The following GMNC variants were observed in gnomAD, a reference collection of about 807,000 sequenced individuals.
GMNC encodes geminin coiled-coil domain-containing protein 1.
In GMNC, 16 loss-of-function variants were observed where a neutral mutation model predicts 33.6. The observed-to-expected ratio is 0.48, with a 90% CI of 0.32 to 0.72. The LOEUF is 0.72. Among genes scored for constraint, GMNC ranks in the 30% least tolerant of loss-of-function variants. The probability of loss-of-function intolerance (pLI) is 0.03; values close to 1 mark genes in which losing one functional copy is unlikely to be tolerated. For synonymous variants in GMNC, 156 were observed against 147.3 expected (o/e 1.06, Z -0.43); for missense variants, 393 against 388.9 (o/e 1.01, Z -0.09).
At chr3:190,851,121 T>G (rs778610938), downstream of GMNC, among the ~76,000 whole-genome samples, 6 of 152,330 alleles carry the variant, frequency 3.9e-5, no homozygotes, top group East Asian at 1.2e-3. Context: ...GAGGAAAATA[T>G]GGCTATATAC....
downstream of GMNC, among the ~76,000 whole-genome samples, chr3:190,851,061 C>G (rs185104905): frequency 1.3e-5 from 2 of 152,278 alleles, no homozygotes; most frequent in African/African-American, 4.8e-5. Flanking sequence ...CAGGTTACTG[C>G]CCTGAGATGC....
chr3:190,860,543 C>T (rs1168133047), intron 2 of GMNC, 141 bp downstream of exon 2: 1 of 661,584 alleles, frequency 1.5e-6, no homozygotes. Flanking sequence ...GGCTTTATGA[C>T]TGTAAAAATC....
Position 190,857,177 on chromosome 3 carries a change from T to A in GMNC, c.384+606A>T, listed in dbSNP as rs115564205. ...TTGAGCATGAACAAAAGAAGACTAC[T>A]GGCAAGTTATTTATCCTTGAGTTAG... On this transcript the variant is annotated intron_variant, in intron 4 of 4. Transcript: ENST00000442080. Among the ~76,000 whole-genome samples the A allele has an allele frequency of 4.4e-3, 659 of 150,382 alleles. 10 individuals carry two copies. Among genetic ancestry groups the A allele is most frequent in the Middle Eastern group, 0.037 (11 of 294 alleles).
At chr3:190,852,620 C>T (rs1737652513), downstream of GMNC, among the ~76,000 whole-genome samples, 2 of 152,036 alleles carry the variant, frequency 1.3e-5, no homozygotes, top group African/African-American at 4.8e-5. Flanking sequence ...CATTAATATG[C>T]CCTAGAGAAG....
At chr3:190,847,160 A>C in the GMNC span, among the ~76,000 whole-genome samples, 5 of 152,302 alleles carry the variant, frequency 3.3e-5, no homozygotes, top group South Asian at 2.1e-4. Flanking sequence ...CAGAAATAGA[A>C]GTGCTGTTTT....
chr3:190,847,156 T>C, the GMNC span, among the ~76,000 whole-genome samples: 1 of 152,196 alleles, frequency 6.6e-6, no homozygotes, highest in Non-Finnish European at 1.5e-5. Flanking sequence ...CTGGCAGAAA[T>C]AGAAGTGCTG....
At chr3:190,850,830 G>T (rs1359092992), downstream of GMNC, among the ~76,000 whole-genome samples, 1 of 152,108 alleles carries the variant, frequency 6.6e-6, no homozygotes, top group Non-Finnish European at 1.5e-5. Flanking sequence ...ATAACACTTA[G>T]AACCAGTTTT....
the GMNC span, among the ~76,000 whole-genome samples, chr3:190,843,272 T>G: frequency 6.6e-6 from 1 of 152,214 alleles, no homozygotes; most frequent in African/African-American, 2.4e-5. Context: ...GTAGTGGGGT[T>G]GAACGTGTTA....
chr3:190,855,999 C>G, intron 4 of GMNC, 84 bp from the exon 5 acceptor site: 1 of 1,016,874 alleles, frequency 9.8e-7, no homozygotes, highest in Non-Finnish European at 1.4e-6. Flanking sequence ...GCTTAAATTT[C>G]TCTTCACACA....
rs922140797 is a variant in GMNC at position 190,854,536 on chromosome 3, C to G, written c.*759G>C. 2.6e-5 allele frequency: 4 copies of G among 152,032 alleles called. No individual in the cohort carries two copies. Among genetic ancestry groups the G allele is most frequent in the African/African-American group, 4.8e-5 (2 of 41,382 alleles). 9.4% of individuals were successfully genotyped at this position (152,032 alleles called of 1,614,324 possible). A position where few individuals can be genotyped will look rare whatever the true frequency, so the allele number is the denominator to read the frequency against. On this transcript the variant is annotated 3_prime_UTR_variant, in exon 5 of 5. Coordinates refer to ENST00000442080, the MANE Select transcript of GMNC (RefSeq NM_001146686.3). Reference sequence around the variant, plus strand: ...GATGACTAGTTTTGTTACCACAGTCCCTCAAAATGTTCTTCTTGGAGTCAT... The same window carrying G: ...GATGACTAGTTTTGTTACCACAGTCGCTCAAAATGTTCTTCTTGGAGTCAT...
At position 190,855,222 on chromosome 3, in the gene GMNC, A is replaced by G. The variant is rs1333654713; in HGVS notation, c.*73T>C. The G allele has an allele frequency of 2.8e-6, 4 of 1,419,774 alleles. No homozygotes were observed. The highest frequency in any genetic ancestry group is 1.4e-5 in the African/African-American group (1 of 69,776). 87.9% of individuals were successfully genotyped at this position (1,419,774 alleles called of 1,614,324 possible). A position where few individuals can be genotyped will look rare whatever the true frequency, so the allele number is the denominator to read the frequency against. ...AAGCAACAGCTTCTGTGTTCCACAT[A>G]GTCAAATTCAAGTGCAAGAGAGGTC... On this transcript the variant is annotated 3_prime_UTR_variant, in exon 5 of 5. Coordinates refer to ENST00000442080, the MANE Select transcript of GMNC (RefSeq NM_001146686.3).
downstream of GMNC, among the ~76,000 whole-genome samples, chr3:190,849,298 A>G (rs1041987792): frequency 7.2e-5 from 11 of 152,194 alleles, no homozygotes; most frequent in African/African-American, 2.2e-4. Flanking sequence ...ACACGGCTCT[A>G]TTCATGGGTG....
chr3:190,847,050 T>G, the GMNC span, among the ~76,000 whole-genome samples: 1 of 152,224 alleles, frequency 6.6e-6, no homozygotes, highest in Non-Finnish European at 1.5e-5. Flanking sequence ...TCTTATAATT[T>G]GGATTCATAT....
At chr3:190,844,228 C>T in the GMNC span, among the ~76,000 whole-genome samples, 1 of 151,950 alleles carries the variant, frequency 6.6e-6, no homozygotes, top group East Asian at 1.9e-4. Context: ...GTCTCTTTAG[C>T]TTTTCTCCAA....
intron 2 of GMNC, among the ~76,000 whole-genome samples, chr3:190,859,226 C>A (rs1737811444): frequency 2.0e-5 from 3 of 152,122 alleles, no homozygotes; most frequent in African/African-American, 7.2e-5. Context: ...TATGACATAG[C>A]AGTTAAAAAG....
Position 190,855,905 on chromosome 3 carries a change from G to T in GMNC, c.395C>A (p.Ser132Ter). The T allele has an allele frequency of 6.5e-7, 1 of 1,541,074 alleles. No individual in the cohort carries two copies. Among genetic ancestry groups the T allele is most frequent in the Non-Finnish European group, 8.8e-7 (1 of 1,140,854 alleles). ...ATATGCTTTGGAGAACTCATCAGATGAGAGCAATTTCTAGGGAAGTGATAT... is the reference window on the plus strand; with the variant it reads ...ATATGCTTTGGAGAACTCATCAGATTAGAGCAATTTCTAGGGAAGTGATAT... Reference protein sequence around the residue: ...CLEEKAKKLLSSDEFSKAYGK... With the variant: ...CLEEKAKKLL The change falls in exon 5 of 5, where the codon TCA becomes TAA. Residue 132 changes from serine to a stop codon, truncating the protein, a stop_gained. Coordinates refer to ENST00000442080, the MANE Select transcript of GMNC (RefSeq NM_001146686.3). LOFTEE classifies it high-confidence loss of function.
At chr3:190,859,948 C>A in intron 2 of GMNC, 1 of 287,124 alleles carries the variant, frequency 3.5e-6, no homozygotes, top group Non-Finnish European at 7.2e-6. Flanking sequence ...TAATATTCAA[C>A]AATGTCCTCC....
chr3:190,851,374 C>G (rs1737632022), downstream of GMNC, among the ~76,000 whole-genome samples: 1 of 152,146 alleles, frequency 6.6e-6, no homozygotes, highest in African/African-American at 2.4e-5. Context: ...GTTATCTTAA[C>G]AACATTCAAT....
chr3:190,858,390 A>G (rs1016591554), intron 3 of GMNC, among the ~76,000 whole-genome samples: 1 of 152,160 alleles, frequency 6.6e-6, no homozygotes, highest in Non-Finnish European at 1.5e-5. Context: ...CCTCCCTTGC[A>G]TGTTTAAATA....
Sources: gnomAD v4.1 joint callset for allele counts (sites outside exome capture counted in the v4.1 genomes callset) on GRCh38, gnomAD v4.1.1 for gene constraint, MANE v1.5 for transcripts, NCBI Gene and HGNC (gene_info 2026-07-23, HGNC 2026-07-21) for gene names.